The following ADAMTS16 variants were observed in gnomAD, a reference collection of about 807,000 sequenced individuals.
ADAMTS16 encodes ADAM metallopeptidase with thrombospondin type 1 motif 16.
ADAMTS16 carries 94 observed loss-of-function variants against 145.8 expected under a neutral mutation model. That is an observed-to-expected ratio of 0.64 (90% CI 0.55 to 0.77). The LOEUF (loss-of-function observed/expected upper bound fraction) is 0.77, where lower values mean the gene tolerates loss of function less well. Ranked by LOEUF, ADAMTS16 falls within the 30% of genes least tolerant of loss-of-function variation. The pLI is 0.00. For synonymous variants in ADAMTS16, 659 were observed against 604.3 expected, an observed-to-expected ratio of 1.09 and a Z score of -1.33; for missense variants, 1,585 against 1,591.5, an observed-to-expected ratio of 1.00 and a Z score of 0.07.
Position 5,157,663 on chromosome 5 carries a change from G to A in ADAMTS16, c.501+11208G>A, listed in dbSNP as rs150934036. 1.1e-3 allele frequency among the ~76,000 whole-genome samples: 169 copies of A among 152,238 alleles called. 3 individuals are homozygous for A. The highest frequency in any genetic ancestry group is 4.8e-3 in the South Asian group (23 of 4,818). On this transcript the variant is annotated intron_variant, in intron 3 of 22. Transcript: ENST00000274181. The stretch of plus-strand genomic sequence containing the variant: ...TGATTTCTTTTAGTATCCAAAATCC[G>A]TGAGAAGTAATTGTCTCAATAACCC...
chr5:5,204,934 A>G (rs1382158761), intron 9 of ADAMTS16, among the ~76,000 whole-genome samples: 1 of 152,190 alleles, frequency 6.6e-6, no homozygotes, highest in Non-Finnish European at 1.5e-5. Context: ...GGTCACGTTG[A>G]TATTTTTCAT....
intron 9 of ADAMTS16, among the ~76,000 whole-genome samples, chr5:5,206,822 T>G (rs1213161304): frequency 6.6e-6 from 1 of 152,130 alleles, no homozygotes; most frequent in East Asian, 1.9e-4. Flanking sequence ...TGTTTCAGTA[T>G]GATCAGTTTA....
chr5:5,226,571 A>G (rs1378385528), intron 11 of ADAMTS16, among the ~76,000 whole-genome samples: 2 of 152,048 alleles, frequency 1.3e-5, no homozygotes, highest in Non-Finnish European at 2.9e-5. Flanking sequence ...CCCTTTTGAT[A>G]TTAGTTGTGT....
intron 14 of ADAMTS16, 82 bp downstream of exon 14, chr5:5,237,181 C>G (rs1313521825): frequency 8.2e-6 from 12 of 1,459,100 alleles, no homozygotes; most frequent in African/African-American, 1.4e-5. Context: ...GCTAGAAAGA[C>G]TGGACATATG....
intron 19 of ADAMTS16, 26 bp from the exon 20 acceptor site, chr5:5,303,546 G>C: frequency 6.2e-7 from 1 of 1,611,434 alleles, no homozygotes. Flanking sequence ...CCCTCACTGG[G>C]TGCTTATCCT....
chr5:5,278,150 A>G (rs1738772277), intron 18 of ADAMTS16, among the ~76,000 whole-genome samples: 1 of 152,144 alleles, frequency 6.6e-6, no homozygotes, highest in Admixed American at 6.5e-5. Context: ...ATTGTATTGT[A>G]CTTTAAAGCC....
chr5:5,214,964 T>C (rs1736378143), intron 10 of ADAMTS16, among the ~76,000 whole-genome samples: 1 of 152,014 alleles, frequency 6.6e-6, no homozygotes, highest in Non-Finnish European at 1.5e-5. Context: ...AAACAAGAAA[T>C]AACAATAAGA....
At chr5:5,243,458 G>A (rs752606309) in intron 17 of ADAMTS16, among the ~76,000 whole-genome samples, 1 of 152,210 alleles carries the variant, frequency 6.6e-6, no homozygotes, top group Non-Finnish European at 1.5e-5. Context: ...TCTTCTCTCT[G>A]TGTGACGTGG....
At chr5:5,218,182 A>G (rs562039864) in intron 10 of ADAMTS16, among the ~76,000 whole-genome samples, 76 of 152,370 alleles carry the variant, frequency 5.0e-4, no homozygotes, top group African/African-American at 1.8e-3. Context: ...GTTGGACAGG[A>G]CAATTGGTTT....
chr5:5,229,114 C>T (rs530965176), intron 11 of ADAMTS16, among the ~76,000 whole-genome samples: 18 of 151,562 alleles, frequency 1.2e-4, no homozygotes, highest in African/African-American at 3.1e-4. Context: ...CTGGCTAACA[C>T]GGTGAAACCC....
chr5:5,169,703 T>C (rs1463301342), intron 3 of ADAMTS16, among the ~76,000 whole-genome samples: 1 of 152,166 alleles, frequency 6.6e-6, no homozygotes. Flanking sequence ...TTCACGGGCT[T>C]CTTCTGTGGC....
In ADAMTS16 at chr5:5,319,056, A is replaced by T; in HGVS notation, c.3593A>T (p.Tyr1198Phe). 6.2e-7 allele frequency: 1 copy of T among 1,613,416 alleles called. No individual in the cohort carries two copies. The highest frequency in any genetic ancestry group is 8.5e-7 in the Non-Finnish European group (1 of 1,179,816). The change falls in exon 23 of 23, where the codon TAC becomes TTC. Residue 1198 changes from tyrosine (Y) to phenylalanine (F), a missense_variant. Transcript: ENST00000274181. Reference sequence around the variant, plus strand: ...TGCAAAGACTACTTCCACTGGTGCTACCTGGTACCCCAGCACGGGATGTGC... The same window carrying T: ...TGCAAAGACTACTTCCACTGGTGCTTCCTGGTACCCCAGCACGGGATGTGC... ...AFCKDYFHWC[Y>F]LVPQHGMCSH...
At chr5:5,297,633 A>C (rs1739596138) in intron 18 of ADAMTS16, among the ~76,000 whole-genome samples, 1 of 152,170 alleles carries the variant, frequency 6.6e-6, no homozygotes, top group Non-Finnish European at 1.5e-5. Context: ...TTTTAAGATA[A>C]GCTCTGATGA....
Position 5,303,703 on chromosome 5 carries a change from C to T in ADAMTS16, c.3123C>T (p.Ala1041=). The T allele has an allele frequency of 6.2e-7, 1 of 1,613,656 alleles. No homozygotes were observed. The highest frequency in any genetic ancestry group is 1.3e-5 in the African/African-American group (1 of 75,064). The change falls in exon 20 of 23, where the codon GCC becomes GCT. Residue 1041 remains alanine (A), a synonymous_variant. Coordinates refer to ENST00000274181, the MANE Select transcript of ADAMTS16 (RefSeq NM_139056.4). ...AGCCCAAGCCCAGGATGCATGAAGC[C>T]TGTCTGCTTCAGCGCTGCCACAAGC... The part of the protein sequence containing the change: ...TSEPKPRMHE[A]CLLQRCHKPK...
At position 5,248,086 on chromosome 5, in the gene ADAMTS16, T is replaced by C. The variant is rs141346975; in HGVS notation, c.2662+5895T>C. Among the ~76,000 whole-genome samples, 20 of 152,392 alleles carry C rather than the reference T, an allele frequency of 1.3e-4. No homozygotes were observed. In the East Asian group the frequency reaches 3.1e-3, roughly 23 times the overall value. ...AACAATGCATGCTTCTTTTGAGAGC[T>C]CATGCGTTCATTTATGGAACACCGT... On this transcript the variant is annotated intron_variant, in intron 17 of 22. Coordinates refer to ENST00000274181, the MANE Select transcript of ADAMTS16 (RefSeq NM_139056.4).
chr5:5,146,637 T>C (rs530481393), intron 3 of ADAMTS16, among the ~76,000 whole-genome samples, 182 bp downstream of exon 3: 1 of 152,318 alleles, frequency 6.6e-6, no homozygotes, highest in Admixed American at 6.5e-5. Context: ...CTCTGGCCTA[T>C]TTGGAAACAG....
Position 5,310,890 on chromosome 5 carries a change from G to A in ADAMTS16, c.3411+4162G>A, listed in dbSNP as rs1022095168. ...CATTTTGTCTGTTCCTGACCCCAGA[G>A]AGGGTCAGCTGCCTGAAGGCAAGTG... On this transcript the variant is annotated intron_variant, in intron 21 of 22. Transcript: ENST00000274181. This position sits in a 1 kb window ranked among gnomAD's most constrained non-coding sequence, Gnocchi z 4.3. Among the ~76,000 whole-genome samples the A allele has an allele frequency of 1.3e-5, 2 of 152,198 alleles. No homozygotes were observed. The highest frequency in any genetic ancestry group is 4.8e-5 in the African/African-American group (2 of 41,448).
rs557541235 is a variant in ADAMTS16, at chr5:5,242,520, T to C, written c.2662+329T>C. 2.0e-5 allele frequency among the ~76,000 whole-genome samples: 3 copies of C among 152,320 alleles called. No homozygotes were observed. In the South Asian group the frequency reaches 6.2e-4, roughly 32 times the overall value. ...GTCACGGTAATTATGAGATACATCA[T>C]GTTGACGGTGAGAAACAGACACTAC... is the stretch of plus-strand genomic sequence containing the variant. On this transcript the variant is annotated intron_variant, in intron 17 of 22. Coordinates refer to ENST00000274181, the MANE Select transcript of ADAMTS16 (RefSeq NM_139056.4).
At chr5:5,281,704 G>T (rs1326460780) in intron 18 of ADAMTS16, among the ~76,000 whole-genome samples, 5 of 151,344 alleles carry the variant, frequency 3.3e-5, no homozygotes, top group Non-Finnish European at 7.4e-5. Context: ...GTTGGCCACT[G>T]GGGATTGTAG....
Sources: gnomAD v4.1 joint callset for allele counts (sites outside exome capture counted in the v4.1 genomes callset) on GRCh38, gnomAD v4.1.1 for gene constraint, Gnocchi (gnomAD v3.1) non-coding constraint, MANE v1.5 for transcripts, NCBI Gene and HGNC (gene_info 2026-07-23, HGNC 2026-07-21) for gene names.